The following ADGRB3 variants were observed in gnomAD, a reference collection of about 807,000 sequenced individuals.
The protein encoded by ADGRB3 is brain-specific angiogenesis inhibitor 3.
A neutral mutation model predicts 193.4 loss-of-function variants in ADGRB3; 37 were observed. The ratio of observed to expected loss-of-function variants is 0.19; its 90% CI spans 0.15 to 0.25. ADGRB3 has a LOEUF of 0.25. Ranked by LOEUF, ADGRB3 falls within the 10% of genes least tolerant of loss-of-function variation. The pLI is 1.00. For missense variants in ADGRB3, 1,637 were observed against 1,852.9 expected, an observed-to-expected ratio of 0.88 and a Z score of 2.14; for synonymous variants, 690 against 644.2, an observed-to-expected ratio of 1.07 and a Z score of -1.08.
At chr6:68,693,641 G>T (rs192623990) in intron 3 of ADGRB3, among the ~76,000 whole-genome samples, 6 of 152,010 alleles carry the variant, frequency 3.9e-5, no homozygotes, top group African/African-American at 1.4e-4. Flanking sequence ...GTTTTTTCTT[G>T]TATGTCCCTG....
chr6:69,293,117 G>A (rs1767726377), intron 20 of ADGRB3, among the ~76,000 whole-genome samples: 1 of 152,160 alleles, frequency 6.6e-6, no homozygotes, highest in Non-Finnish European at 1.5e-5. Context: ...CAGGGGGCAA[G>A]GGGACAAAAG....
intron 3 of ADGRB3, among the ~76,000 whole-genome samples, chr6:68,753,510 T>G (rs1474304478): frequency 2.6e-5 from 4 of 152,056 alleles, no homozygotes; most frequent in Admixed American, 6.6e-5. Flanking sequence ...AACAGTTATT[T>G]TGGGGAGTCA....
intron 17 of ADGRB3, among the ~76,000 whole-genome samples, chr6:69,100,600 A>G (rs999338812): frequency 6.6e-6 from 1 of 152,188 alleles, no homozygotes; most frequent in East Asian, 1.9e-4. Flanking sequence ...AAGAAGACCT[A>G]ACCTTGGTCA....
intron 20 of ADGRB3, among the ~76,000 whole-genome samples, chr6:69,306,460 T>A (rs1372689521): frequency 6.6e-6 from 1 of 151,476 alleles, no homozygotes; most frequent in Admixed American, 6.6e-5. Flanking sequence ...TGATAACCTA[T>A]GTACTAGGCA....
chr6:68,664,363 T>C (rs2127290649), intron 3 of ADGRB3, among the ~76,000 whole-genome samples: 1 of 151,936 alleles, frequency 6.6e-6, no homozygotes, highest in South Asian at 2.1e-4. Flanking sequence ...GTGATGATAT[T>C]TGGAGCTGGG....
rs527476554 is a variant in ADGRB3, at chr6:68,980,774, C to T, written c.1734+5434C>T. 5.3e-5 allele frequency among the ~76,000 whole-genome samples: 8 copies of T among 151,462 alleles called. No homozygotes were observed. In the East Asian group the frequency reaches 1.5e-3, roughly 29 times the overall value. ...GGTGGGAGTGAGTGAGCCTGTGAGA[C>T]AGGAGTTACCTGTTCTGCAAATTCT... On this transcript the variant is annotated intron_variant, in intron 10 of 31. Transcript: ENST00000370598.
At chr6:69,122,278 G>A (rs111555667) in intron 17 of ADGRB3, among the ~76,000 whole-genome samples, 7 of 151,654 alleles carry the variant, frequency 4.6e-5, no homozygotes, top group South Asian at 2.1e-4. Context: ...GCGAAACCCC[G>A]TCTCCTCCAA....
intron 3 of ADGRB3, among the ~76,000 whole-genome samples, chr6:68,773,692 G>C (rs923902993): frequency 2.0e-5 from 3 of 152,176 alleles, no homozygotes; most frequent in Non-Finnish European, 4.4e-5. Flanking sequence ...ATTGTGCTAT[G>C]AGAACTCAGG....
intron 3 of ADGRB3, among the ~76,000 whole-genome samples, chr6:68,847,519 A>G (rs1179712559): frequency 6.6e-6 from 1 of 152,164 alleles, no homozygotes; most frequent in Non-Finnish European, 1.5e-5. Flanking sequence ...TATTCTCATG[A>G]TAGTGAATAA....
At chr6:69,384,499 T>C (rs865871845) in intron 31 of ADGRB3, among the ~76,000 whole-genome samples, 6 of 152,092 alleles carry the variant, frequency 3.9e-5, no homozygotes, top group African/African-American at 7.2e-5. Context: ...GAGAGGGTTA[T>C]ATTTACAAAT....
chr6:69,075,868 G>T (rs1772214458), intron 16 of ADGRB3, 127 bp from the exon 17 acceptor site: 3 of 693,042 alleles, frequency 4.3e-6, no homozygotes, highest in Non-Finnish European at 7.1e-6. Flanking sequence ...TAATTAAAAA[G>T]AAATCATTAA....
intron 3 of ADGRB3, among the ~76,000 whole-genome samples, chr6:68,675,041 T>C (rs1769056035): frequency 6.6e-6 from 1 of 152,142 alleles, no homozygotes; most frequent in South Asian, 2.1e-4. Context: ...TTCAGGCTCT[T>C]CCTTCAATAT....
At chr6:68,752,776 A>G (rs953911218) in intron 3 of ADGRB3, among the ~76,000 whole-genome samples, 8 of 152,188 alleles carry the variant, frequency 5.3e-5, no homozygotes, top group East Asian at 1.9e-4. Flanking sequence ...TGTACATTAC[A>G]TATTTGGTTA....
chr6:68,777,287 A>G (rs545105499), intron 3 of ADGRB3, among the ~76,000 whole-genome samples: 1 of 152,278 alleles, frequency 6.6e-6, no homozygotes, highest in African/African-American at 2.4e-5. Flanking sequence ...CACTTGCACT[A>G]TGATGCAATT....
chr6:69,046,522 C>T (rs947581322), intron 13 of ADGRB3, among the ~76,000 whole-genome samples: 1 of 152,090 alleles, frequency 6.6e-6, no homozygotes, highest in Non-Finnish European at 1.5e-5. Flanking sequence ...AGCTGGTATC[C>T]CGAAACAGCA....
chr6:68,956,501 AC>A (rs1387659620), intron 7 of ADGRB3, 143 bp from the exon 8 acceptor site: 23 of 1,122,134 alleles, frequency 2.0e-5, no homozygotes, highest in South Asian at 1.6e-4. Flanking sequence ...TCTATATTTG[AC>A]CTGTAAGTTA....
At chr6:69,102,201 T>C (rs1236416262) in intron 17 of ADGRB3, among the ~76,000 whole-genome samples, 2 of 147,514 alleles carry the variant, frequency 1.4e-5, no homozygotes, top group South Asian at 2.2e-4. Context: ...AAAAAGACTC[T>C]CCATCTTAAA....
intron 3 of ADGRB3, among the ~76,000 whole-genome samples, chr6:68,677,192 G>A (rs1257234637): frequency 6.6e-6 from 1 of 152,136 alleles, no homozygotes; most frequent in Non-Finnish European, 1.5e-5. Flanking sequence ...AGGCTTACAT[G>A]GAATACTGTG....
chr6:68,915,235 C>G (rs1766843299), intron 3 of ADGRB3, among the ~76,000 whole-genome samples: 1 of 152,216 alleles, frequency 6.6e-6, no homozygotes, highest in Middle Eastern at 3.4e-3. Context: ...GTAACATAAC[C>G]TCTTGAAACC....
Sources: gnomAD v4.1 joint callset for allele counts (sites outside exome capture counted in the v4.1 genomes callset) on GRCh38, gnomAD v4.1.1 for gene constraint, MANE v1.5 for transcripts, NCBI Gene and HGNC (gene_info 2026-07-23, HGNC 2026-07-21) for gene names.